The following PDE1C variants were observed in gnomAD, a reference collection of about 807,000 sequenced individuals.
The protein encoded by PDE1C is dual specificity calcium/calmodulin-dependent 3',5'-cyclic nucleotide phosphodiesterase 1C.
PDE1C carries 62 observed loss-of-function variants against 93.1 expected under a neutral mutation model. The observed-to-expected ratio is 0.67, with a 90% CI of 0.54 to 0.82. PDE1C has a LOEUF of 0.82. PDE1C is among the 40% of genes least tolerant of loss of function. PDE1C has a pLI of 0.00. For synonymous variants in PDE1C, 325 were observed against 310.1 expected (o/e 1.05, Z -0.50); for missense variants, 742 against 884.6 (o/e 0.84, Z 2.04).
intron 2 of PDE1C, among the ~76,000 whole-genome samples, chr7:31,905,577 AAG>A (rs1800492571): frequency 6.6e-6 from 1 of 152,192 alleles, no homozygotes; most frequent in South Asian, 2.1e-4. Flanking sequence ...TCTTCTTTTA[AAG>A]CCCCTGTGGT....
At chr7:32,059,897 C>A (rs1004353158) in intron 1 of PDE1C, among the ~76,000 whole-genome samples, 1 of 152,210 alleles carries the variant, frequency 6.6e-6, no homozygotes, top group Admixed American at 6.5e-5. Context: ...CACGTATTTA[C>A]AACCACTTGC....
chr7:32,194,196 G>A (rs1804446768), intron 2 of PDE1C, among the ~76,000 whole-genome samples: 1 of 152,186 alleles, frequency 6.6e-6, no homozygotes, highest in Non-Finnish European at 1.5e-5. Flanking sequence ...TTATGGGCGT[G>A]AGCCAGGCCA....
rs546214524 is a variant in PDE1C at position 32,360,461 on chromosome 7, G to A, written c.310+67361C>T. 6.7e-5 allele frequency among the ~76,000 whole-genome samples: 8 copies of A among 120,030 alleles called. No homozygotes were observed. In the South Asian group the frequency reaches 2.4e-3, roughly 35 times the overall value. The allele number at this position is 120,030 out of a possible 152,430, so 78.7% of individuals were successfully genotyped here. A position where few individuals can be genotyped will look rare whatever the true frequency, so the allele number is the denominator to read the frequency against. ...GGTCTTTCTCATTTTGTGAACCTGT[G>A]TGATCTGACTTCAAAGGGAAGCGGT... On this transcript the variant is annotated intron_variant, in intron 1 of 1. Coordinates refer to the PDE1C transcript ENST00000672256.
intron 1 of PDE1C, among the ~76,000 whole-genome samples, chr7:32,293,419 G>A (rs1174504171): frequency 2.6e-5 from 4 of 152,088 alleles, no homozygotes; most frequent in Non-Finnish European, 5.9e-5. Context: ...GGCTGCTCTC[G>A]GTCGAAGTGC....
At chr7:32,184,096 A>T (rs1803664391) in intron 2 of PDE1C, among the ~76,000 whole-genome samples, 1 of 152,196 alleles carries the variant, frequency 6.6e-6, no homozygotes, top group African/African-American at 2.4e-5. Context: ...AACTACAATG[A>T]GATACCATCT....
chr7:32,147,209 C>A (rs1421157796), intron 3 of PDE1C, among the ~76,000 whole-genome samples: 1 of 141,072 alleles, frequency 7.1e-6, no homozygotes, highest in Non-Finnish European at 1.5e-5. Context: ...GTTGAAGAGC[C>A]CATTTAGTGT....
chr7:31,822,027 C>T (rs531748410), intron 14 of PDE1C, among the ~76,000 whole-genome samples: 14 of 152,074 alleles, frequency 9.2e-5, no homozygotes, highest in Non-Finnish European at 1.8e-4. Context: ...ACTGGTGGTG[C>T]TGGTGGCAAC....
At chr7:32,059,621 C>T (rs563406368) in intron 1 of PDE1C, among the ~76,000 whole-genome samples, 3 of 152,290 alleles carry the variant, frequency 2.0e-5, no homozygotes, top group African/African-American at 4.8e-5. Context: ...CACTTGGACT[C>T]CTATTTAAGA....
chr7:31,776,450 A>G (rs924937952), intron 16 of PDE1C, among the ~76,000 whole-genome samples: 1 of 152,176 alleles, frequency 6.6e-6, no homozygotes, highest in African/African-American at 2.4e-5. Flanking sequence ...CTTTGTTCTA[A>G]TAAACCCTTT....
Position 31,783,442 on chromosome 7 carries a change from CTCTATA to C in PDE1C, c.1892-7716_1892-7711del, listed in dbSNP as rs1172914470. The C allele has an allele frequency of 3.3e-5, 5 of 152,178 alleles. No individual in the cohort carries two copies. In the East Asian group the frequency reaches 9.6e-4, roughly 29 times the overall value. The allele number at this position is 152,178 out of a possible 1,614,324, so 9.4% of individuals were successfully genotyped here. On this transcript the variant is annotated intron_variant, in intron 16 of 17. Coordinates refer to ENST00000396191, the MANE Select transcript of PDE1C (RefSeq NM_001191057.4). Reference sequence around the variant, plus strand: ...CAGATGGTTGACTGAGTTTGGACAGCTCTATATCTGAGACAGAACATGGACAACAAT... The same window carrying C: ...CAGATGGTTGACTGAGTTTGGACAGCTCTGAGACAGAACATGGACAACAAT...
intron 2 of PDE1C, among the ~76,000 whole-genome samples, chr7:31,960,722 C>G (rs1378839051): frequency 6.6e-6 from 1 of 151,958 alleles, no homozygotes; most frequent in East Asian, 1.9e-4. Context: ...TCTACTCTTG[C>G]AATTCTTCAT....
At chr7:32,306,608 C>A (rs921316944) in intron 1 of PDE1C, among the ~76,000 whole-genome samples, 3 of 152,180 alleles carry the variant, frequency 2.0e-5, no homozygotes, top group Non-Finnish European at 2.9e-5. Context: ...CCAAAGAGAT[C>A]TTTTTAAATA....
intron 1 of PDE1C, among the ~76,000 whole-genome samples, chr7:32,219,989 C>T (rs1479186307): frequency 2.0e-5 from 3 of 152,136 alleles, no homozygotes; most frequent in African/African-American, 7.2e-5. Context: ...CAAGGGGTTT[C>T]CCCTTTCACT....
At chr7:32,206,249 C>G (rs886697168) in intron 2 of PDE1C, among the ~76,000 whole-genome samples, 1 of 151,906 alleles carries the variant, frequency 6.6e-6, no homozygotes, top group Non-Finnish European at 1.5e-5. Flanking sequence ...GATAATGGGA[C>G]GGCTCACTGA....
chr7:31,914,169 A>C (rs539297686), intron 2 of PDE1C, among the ~76,000 whole-genome samples: 1 of 152,350 alleles, frequency 6.6e-6, no homozygotes, highest in Non-Finnish European at 1.5e-5. Flanking sequence ...TTTATATCAA[A>C]CATGCATCAA....
At chr7:31,980,447 C>T (rs1241599727) in intron 2 of PDE1C, among the ~76,000 whole-genome samples, 1 of 152,006 alleles carries the variant, frequency 6.6e-6, no homozygotes. Flanking sequence ...TGTTGAATTC[C>T]AAGGGCTTCA....
At chr7:32,101,532 G>A (rs1798036007) in intron 3 of PDE1C, among the ~76,000 whole-genome samples, 2 of 152,208 alleles carry the variant, frequency 1.3e-5, no homozygotes, top group East Asian at 3.9e-4. Context: ...CACTCTGGTA[G>A]TTCACTTGAA....
the PDE1C span, among the ~76,000 whole-genome samples, chr7:31,721,382 A>G: frequency 6.6e-6 from 1 of 152,236 alleles, no homozygotes; most frequent in East Asian, 1.9e-4. Flanking sequence ...TAACTACCAC[A>G]CTAACTACTT....
At chr7:32,080,777 A>T (rs1202069168) in intron 3 of PDE1C, among the ~76,000 whole-genome samples, 1 of 152,220 alleles carries the variant, frequency 6.6e-6, no homozygotes, top group Non-Finnish European at 1.5e-5. Context: ...TACTCAGGAG[A>T]ATAAAAGAAT....
Sources: gnomAD v4.1 joint callset for allele counts (sites outside exome capture counted in the v4.1 genomes callset) on GRCh38, gnomAD v4.1.1 for gene constraint, MANE v1.5 for transcripts, NCBI Gene and HGNC (gene_info 2026-07-23, HGNC 2026-07-21) for gene names.